Variants in ZNF577 observed in about 807,000 individuals in gnomAD.
ZNF577 encodes the protein zinc finger protein 577.
In ZNF577, 14 loss-of-function variants were observed where a neutral mutation model predicts 13.9. The observed-to-expected ratio is 1.00, with a 90% CI of 0.66 to 1.57. The LOEUF (loss-of-function observed/expected upper bound fraction) is 1.57, where lower values mean the gene tolerates loss of function less well. ZNF577 is among the 40% of genes most tolerant of loss of function. ZNF577 has a pLI of 0.00. For missense variants in ZNF577, 555 were observed against 579.2 expected, an observed-to-expected ratio of 0.96 and a Z score of 0.43; for synonymous variants, 203 against 202.9, an observed-to-expected ratio of 1.00 and a Z score of 0.00.
At chr19:51,812,413 G>T (rs2084103819) in intron 9 of ZNF577, among the ~76,000 whole-genome samples, 1 of 152,108 alleles carries the variant, frequency 6.6e-6, no homozygotes, top group South Asian at 2.1e-4. Context: ...CAGCACTAAG[G>T]CTGTAGTCCC....
chr19:51,885,900 A>G (rs746873818), intron 1 of ZNF577, among the ~76,000 whole-genome samples: 17 of 152,236 alleles, frequency 1.1e-4, no homozygotes, highest in Non-Finnish European at 2.1e-4. Flanking sequence ...ATGTCTCTTG[A>G]TAGTGGAATG....
intron 5 of ZNF577, among the ~76,000 whole-genome samples, chr19:51,875,009 C>T (rs1181822533): frequency 3.9e-5 from 6 of 152,072 alleles, no homozygotes; most frequent in African/African-American, 4.8e-5. Flanking sequence ...CAGTAAAACA[C>T]ACACACAAAA....
At chr19:51,807,222 G>T (rs1941214383) in intron 10 of ZNF577, among the ~76,000 whole-genome samples, 2 of 152,264 alleles carry the variant, frequency 1.3e-5, no homozygotes, top group South Asian at 2.1e-4. Flanking sequence ...GAAGTGGGGG[G>T]GGTGGTTGCT....
At chr19:51,858,712 T>G (rs1244788306) in intron 5 of ZNF577, among the ~76,000 whole-genome samples, 1 of 152,178 alleles carries the variant, frequency 6.6e-6, no homozygotes, top group Non-Finnish European at 1.5e-5. Context: ...ACCTTGCTTT[T>G]TAATAACTAG....
At position 51,872,713 on chromosome 19, in the gene ZNF577, A is replaced by G. The variant is rs1280416247; in HGVS notation, c.1277T>C (p.Leu426Ser). ...GCCCACTAGGCGCTCACTCTTGTTT[A>G]ACAATGGCGGGGTTCCTGAGGAAGG... ...EMPSSGTPPL[L>S]NKSERLVGRN... Residue 426 changes from leucine (L) to serine (S), a missense_variant, in exon 6 of 6, where the codon TTA (leucine) becomes TCA (serine). By Grantham distance (145) the Leu-to-Ser change is moderately radical. Coordinates refer to ENST00000638348, the MANE Select transcript of ZNF577 (RefSeq NM_001370449.1). 6.2e-7 allele frequency: 1 copy of G among 1,614,202 alleles called. No homozygotes were observed. Among genetic ancestry groups the G allele is most frequent in the Admixed American group, 1.7e-5 (1 of 60,024 alleles).
At chr19:51,813,250 CACAG>C (rs1599835915) in intron 9 of ZNF577, among the ~76,000 whole-genome samples, 1 of 152,098 alleles carries the variant, frequency 6.6e-6, no homozygotes, top group South Asian at 2.1e-4. Context: ...GGCCATTACT[CACAG>C]ACAGTGCTTT....
At chr19:51,879,252 G>A (rs1161661011) in intron 3 of ZNF577, among the ~76,000 whole-genome samples, 25 of 128,844 alleles carry the variant, frequency 1.9e-4, no homozygotes, top group East Asian at 7.3e-4. Flanking sequence ...GCAAGACTCC[G>A]TCTCAAGAGG....
chr19:51,859,033 T>G (rs2084469148), intron 5 of ZNF577, among the ~76,000 whole-genome samples: 1 of 152,160 alleles, frequency 6.6e-6, no homozygotes, highest in African/African-American at 2.4e-5. Flanking sequence ...AACCACTAAT[T>G]TGCTTTATTT....
rs566487129 is a variant in ZNF577, at chr19:51,885,322, C to T, written c.-219+1499G>A. ...AGCCGGCAGAGACTAAAATATTTGT[C>T]ATCTGTCTGCACCTTTACAGAAAGT... On this transcript the variant is annotated intron_variant, in intron 1 of 5. Coordinates refer to ENST00000638348, the MANE Select transcript of ZNF577 (RefSeq NM_001370449.1). Among the ~76,000 whole-genome samples the T allele has an allele frequency of 3.9e-5, 6 of 152,302 alleles. No individual in the cohort carries two copies. The South Asian group carries it at 1.0e-3, about 26-fold the overall frequency.
intron 1 of ZNF577, among the ~76,000 whole-genome samples, chr19:51,883,087 G>A (rs140210168): frequency 0.015 from 2,315 of 150,598 alleles, 70 homozygotes; most frequent in African/African-American, 0.052. Context: ...TCCACCTCCC[G>A]GGTTCAAGCA....
chr19:51,854,686 TG>T (rs148655656), intron 5 of ZNF577, among the ~76,000 whole-genome samples: 5,516 of 152,076 alleles, frequency 0.036, 281 homozygotes, highest in African/African-American at 0.11. Flanking sequence ...TCATCAAATT[TG>T]GGAAGCTTTG....
At chr19:51,862,194 T>TG (rs1326369636), downstream of ZNF577, 1 of 152,772 alleles carries the variant, frequency 6.5e-6, no homozygotes, top group African/African-American at 2.4e-5. Context: ...TTCCCTTTGA[T>TG]GTGAAGGCTT....
chr19:51,858,924 A>G (rs1199805243), intron 5 of ZNF577, among the ~76,000 whole-genome samples: 1 of 152,230 alleles, frequency 6.6e-6, no homozygotes, highest in African/African-American at 2.4e-5. Flanking sequence ...TGCAACCACC[A>G]TCTCTATCTA....
At chr19:51,811,787 A>G (rs1025404410) in intron 9 of ZNF577, 2 of 135,364 alleles carry the variant, frequency 1.5e-5, no homozygotes, top group African/African-American at 5.8e-5. Flanking sequence ...CGGCACCAGG[A>G]GGCGACTCGC....
At chr19:51,864,403 T>C (rs566317222), downstream of ZNF577, among the ~76,000 whole-genome samples, 53 of 151,924 alleles carry the variant, frequency 3.5e-4, no homozygotes, top group Non-Finnish European at 7.1e-4. Context: ...CGCCCCTGAC[T>C]CCCGCATTTA....
At chr19:51,849,487 T>G (rs1170826818) in intron 5 of ZNF577, among the ~76,000 whole-genome samples, 1 of 152,214 alleles carries the variant, frequency 6.6e-6, no homozygotes, top group African/African-American at 2.4e-5. Context: ...CACCCCCTTC[T>G]GCCTTTTGCC....
chr19:51,882,367 T>G (rs2084875178), intron 1 of ZNF577, among the ~76,000 whole-genome samples: 1 of 151,950 alleles, frequency 6.6e-6, no homozygotes. Flanking sequence ...AATCTGGATT[T>G]CCTACTGAAC....
intron 9 of ZNF577, among the ~76,000 whole-genome samples, chr19:51,813,824 G>C (rs193291782): frequency 2.0e-5 from 3 of 152,102 alleles, no homozygotes; most frequent in African/African-American, 7.2e-5. Context: ...ATAAGCCACC[G>C]CAGCTGGCCG....
chr19:51,814,500 T>TTTTG (rs1197289479), intron 9 of ZNF577, among the ~76,000 whole-genome samples: 7 of 152,108 alleles, frequency 4.6e-5, no homozygotes, highest in African/African-American at 1.7e-4. Context: ...GTTTGTTTTG[T>TTTTG]TTTTTTGTTT....
Sources: allele counts gnomAD v4.1 joint callset (sites outside exome capture counted in the v4.1 genomes callset), GRCh38; gene constraint gnomAD v4.1.1; transcripts MANE v1.5; gene names NCBI Gene and HGNC (gene_info 2026-07-23, HGNC 2026-07-21).